Variants in CSMD2 observed in about 807,000 individuals in gnomAD.
CSMD2 encodes the protein CUB and sushi domain-containing protein 2.
A neutral mutation model predicts 398.5 loss-of-function variants in CSMD2; 130 were observed. The observed-to-expected ratio is 0.33, with a 90% CI of 0.28 to 0.38. CSMD2 has a LOEUF of 0.38. Among genes scored for constraint, CSMD2 ranks in the 10% least tolerant of loss-of-function variants. The pLI is 1.00. For synonymous variants in CSMD2, 1,828 were observed against 1,908.5 expected, an observed-to-expected ratio of 0.96 and a Z score of 1.10; for missense variants, 3,829 against 4,764.9, an observed-to-expected ratio of 0.80 and a Z score of 5.78.
At chr1:33,649,413 G>T (rs1411081762) in intron 28 of CSMD2, among the ~76,000 whole-genome samples, 1 of 152,228 alleles carries the variant, frequency 6.6e-6, no homozygotes, top group Non-Finnish European at 1.5e-5. Flanking sequence ...GGAGGCCAAG[G>T]TGGGCAGGTC....
intron 10 of CSMD2, among the ~76,000 whole-genome samples, chr1:33,795,158 C>G (rs933603399): frequency 2.6e-5 from 4 of 151,958 alleles, no homozygotes; most frequent in Non-Finnish European, 5.9e-5. Context: ...GTAGCAAGGT[C>G]TAGGTGAAGT....
chr1:34,161,600 T>G (rs1361612326), intron 1 of CSMD2, among the ~76,000 whole-genome samples: 1 of 151,780 alleles, frequency 6.6e-6, no homozygotes, highest in African/African-American at 2.4e-5. Flanking sequence ...CACAGAGAGA[T>G]AAAAGAAAAT....
At chr1:34,080,400 CAT>C (rs1452722704) in intron 2 of CSMD2, among the ~76,000 whole-genome samples, 1 of 151,948 alleles carries the variant, frequency 6.6e-6, no homozygotes. Context: ...ATATTAATAA[CAT>C]AATTTTTTCA....
At chr1:34,010,381 T>C (rs1235380187) in intron 3 of CSMD2, among the ~76,000 whole-genome samples, 1 of 152,220 alleles carries the variant, frequency 6.6e-6, no homozygotes, top group Non-Finnish European at 1.5e-5. Context: ...ATCCATCATC[T>C]ACGAGCATTT....
intron 5 of CSMD2, among the ~76,000 whole-genome samples, chr1:33,880,425 C>G (rs12027527): frequency 0.51 from 76,993 of 152,096 alleles, 19,535 homozygotes; most frequent in Non-Finnish European, 0.55. Flanking sequence ...ACTCTTTAAT[C>G]AGAGATTAAG....
chr1:33,596,164 T>C (rs945683643), intron 44 of CSMD2, among the ~76,000 whole-genome samples: 10 of 152,186 alleles, frequency 6.6e-5, no homozygotes, highest in Admixed American at 4.6e-4. Context: ...AACCAAGGTT[T>C]CATTTCTGCT....
rs148762320 is a variant in CSMD2 at position 33,943,521 on chromosome 1, T to C, written c.518-7567A>G. On this transcript the variant is annotated intron_variant, in intron 3 of 70. Coordinates refer to ENST00000373381, the MANE Select transcript of CSMD2 (RefSeq NM_001281956.2). ...TTAGAATCCTGAATCTCCTGGCCCA[T>C]GAAATAGGCAGGCTCCCTCTGTTCA... Among the ~76,000 whole-genome samples, 9 of 152,352 alleles carry C rather than the reference T, an allele frequency of 5.9e-5. No homozygotes were observed. The South Asian group carries it at 1.7e-3, about 28-fold the overall frequency.
intron 13 of CSMD2, among the ~76,000 whole-genome samples, chr1:33,750,419 G>A (rs1425383537): frequency 6.6e-6 from 1 of 152,142 alleles, no homozygotes; most frequent in African/African-American, 2.4e-5. Context: ...TACAGAGACA[G>A]ACGCTGAGTC....
intron 25 of CSMD2, among the ~76,000 whole-genome samples, chr1:33,678,147 C>T (rs1391090621): frequency 7.9e-5 from 12 of 151,668 alleles, no homozygotes; most frequent in South Asian, 2.1e-4. Flanking sequence ...GGCTCCTCCC[C>T]GACTTCTCTT....
chr1:33,572,789 T>A, intron 49 of CSMD2, 98 bp from the exon 50 acceptor site: 1 of 896,670 alleles, frequency 1.1e-6, no homozygotes, highest in Non-Finnish European at 1.6e-6. Context: ...CTTTTATTAG[T>A]AAAAACTAAT....
chr1:34,154,354 TAACACACTAA>T (rs1316493301), intron 1 of CSMD2, among the ~76,000 whole-genome samples: 1 of 152,154 alleles, frequency 6.6e-6, no homozygotes, highest in African/African-American at 2.4e-5. Context: ...CATGAAAAAT[TAACACACTAA>T]CCCAGGGACC....
At chr1:34,050,596 C>A (rs1376654654) in intron 2 of CSMD2, among the ~76,000 whole-genome samples, 1 of 152,168 alleles carries the variant, frequency 6.6e-6, no homozygotes, top group East Asian at 1.9e-4. Context: ...AGCGCTGGGA[C>A]AAGGTTCTCC....
At chr1:33,743,674 C>T in intron 13 of CSMD2, 68 bp from the exon 14 acceptor site, 2 of 1,121,126 alleles carry the variant, frequency 1.8e-6, no homozygotes, top group African/African-American at 1.6e-5. Context: ...TGAGGGCTGG[C>T]AGGGGGAACA....
intron 2 of CSMD2, among the ~76,000 whole-genome samples, chr1:34,082,165 G>A (rs1338671805): frequency 7.5e-5 from 11 of 145,764 alleles, no homozygotes; most frequent in South Asian, 6.7e-4. Flanking sequence ...CTGCCCGGCC[G>A]CCCCGTCTGG....
At chr1:33,586,350 A>C (rs1168483890) in intron 46 of CSMD2, among the ~76,000 whole-genome samples, 154 bp downstream of exon 46, 1 of 152,206 alleles carries the variant, frequency 6.6e-6, no homozygotes, top group Non-Finnish European at 1.5e-5. Flanking sequence ...TTCCTCATGC[A>C]CTTACTCATC....
intron 6 of CSMD2, chr1:33,838,446 G>A (rs1366569114): frequency 6.6e-6 from 1 of 152,098 alleles, no homozygotes; most frequent in Non-Finnish European, 1.5e-5. Flanking sequence ...AAAAATTGTT[G>A]GGTATACATC....
At chr1:34,144,094 A>G (rs1639551749) in intron 1 of CSMD2, among the ~76,000 whole-genome samples, 1 of 152,078 alleles carries the variant, frequency 6.6e-6, no homozygotes, top group African/African-American at 2.4e-5. Context: ...ATCTCCTCTC[A>G]GTCTGGATAA....
intron 28 of CSMD2, 80 bp downstream of exon 28, chr1:33,652,243 A>C: frequency 6.8e-7 from 1 of 1,468,998 alleles, no homozygotes; most frequent in Non-Finnish European, 9.4e-7. Context: ...AGACCTGTGA[A>C]TACTCACCTG....
At chr1:33,747,249 T>G (rs1268210786) in intron 13 of CSMD2, among the ~76,000 whole-genome samples, 1 of 152,168 alleles carries the variant, frequency 6.6e-6, no homozygotes, top group East Asian at 1.9e-4. Flanking sequence ...TATGTAAACA[T>G]AGTTATAAAA....
Sources: allele counts gnomAD v4.1 joint callset (sites outside exome capture counted in the v4.1 genomes callset), GRCh38; gene constraint gnomAD v4.1.1; transcripts MANE v1.5; gene names NCBI Gene and HGNC (gene_info 2026-07-23, HGNC 2026-07-21).